The following FHOD3 variants were observed in gnomAD, a reference collection of about 807,000 sequenced individuals.
FHOD3 encodes the protein FH1/FH2 domain-containing protein 3.
Under a neutral mutation model 173.0 loss-of-function variants are expected in FHOD3, and 90 were observed. That is an observed-to-expected ratio of 0.52 (90% CI 0.44 to 0.62). FHOD3 has a LOEUF of 0.62. Ranked by LOEUF, FHOD3 falls within the 20% of genes least tolerant of loss-of-function variation. FHOD3 has a pLI of 0.00. For missense variants in FHOD3, 1,945 were observed against 2,034.7 expected (o/e 0.96, Z 0.85); for synonymous variants, 828 against 823.0 (o/e 1.01, Z -0.10).
At chr18:36,762,900 G>A (rs2042943966) in intron 27 of FHOD3, among the ~76,000 whole-genome samples, 1 of 146,026 alleles carries the variant, frequency 6.8e-6, no homozygotes, top group Admixed American at 6.9e-5. Context: ...TATAATATGT[G>A]TATTATACAC....
intron 1 of FHOD3, among the ~76,000 whole-genome samples, chr18:36,345,975 C>A (rs944244104): frequency 4.6e-5 from 7 of 152,190 alleles, no homozygotes; most frequent in African/African-American, 1.4e-4. Flanking sequence ...TGCCAATGCA[C>A]CTGTGGGATT....
chr18:36,651,411 A>G (rs2036040485), intron 11 of FHOD3, among the ~76,000 whole-genome samples: 1 of 152,218 alleles, frequency 6.6e-6, no homozygotes, highest in African/African-American at 2.4e-5. Context: ...CCCCCTGAAG[A>G]TGGAAAGCTC....
chr18:36,642,929 A>G (rs952632267), intron 10 of FHOD3, among the ~76,000 whole-genome samples: 6 of 149,938 alleles, frequency 4.0e-5, no homozygotes, highest in African/African-American at 1.5e-4. Flanking sequence ...ACTTCAATGG[A>G]CGTATTTTTT....
chr18:36,638,011 G>C (rs1217810697), intron 10 of FHOD3, among the ~76,000 whole-genome samples: 1 of 152,100 alleles, frequency 6.6e-6, no homozygotes, highest in African/African-American at 2.4e-5. Context: ...TTAAAATCTA[G>C]ATGTTTATTC....
intron 3 of FHOD3, among the ~76,000 whole-genome samples, chr18:36,446,719 T>C (rs1221678070): frequency 6.6e-6 from 1 of 152,144 alleles, no homozygotes; most frequent in African/African-American, 2.4e-5. Flanking sequence ...GTTCTTGTTA[T>C]CCCTCACCCC....
At chr18:36,640,519 G>C (rs924788867) in intron 10 of FHOD3, among the ~76,000 whole-genome samples, 2 of 152,224 alleles carry the variant, frequency 1.3e-5, no homozygotes, top group African/African-American at 4.8e-5. Flanking sequence ...GAAGGCTGCA[G>C]ACCAAGACTG....
chr18:36,476,513 C>A (rs982757138), intron 3 of FHOD3, among the ~76,000 whole-genome samples: 1 of 152,132 alleles, frequency 6.6e-6, no homozygotes, highest in African/African-American at 2.4e-5. Context: ...CACCCTAAGA[C>A]CTGTGGGTGC....
At chr18:36,384,098 G>A (rs942558333) in intron 3 of FHOD3, among the ~76,000 whole-genome samples, 4 of 152,128 alleles carry the variant, frequency 2.6e-5, no homozygotes, top group East Asian at 1.9e-4. Flanking sequence ...TGATAATATC[G>A]CCTTTAAAAA....
intron 3 of FHOD3, among the ~76,000 whole-genome samples, chr18:36,430,265 G>A (rs777686214): frequency 1.3e-5 from 2 of 152,230 alleles, no homozygotes; most frequent in Non-Finnish European, 2.9e-5. Flanking sequence ...TGCCCAGTCT[G>A]CAGTGCAGTG....
chr18:36,477,585 A>G (rs1429910174), intron 3 of FHOD3, among the ~76,000 whole-genome samples: 1 of 144,456 alleles, frequency 6.9e-6, no homozygotes, highest in Non-Finnish European at 1.5e-5. Flanking sequence ...CTACCTACCT[A>G]CCTACCTACC....
chr18:36,522,974 T>C (rs77064349), intron 5 of FHOD3, among the ~76,000 whole-genome samples: 2,348 of 152,348 alleles, frequency 0.015, 52 homozygotes, highest in African/African-American at 0.051. Context: ...CTGCCTCTTC[T>C]ATCCCTAGCT....
At chr18:36,571,696 C>T (rs73948069) in intron 5 of FHOD3, among the ~76,000 whole-genome samples, 11,273 of 152,048 alleles carry the variant, frequency 0.074, 455 homozygotes, top group African/African-American at 0.093. Flanking sequence ...GAAACAGACC[C>T]GTACAAACAC....
intron 3 of FHOD3, among the ~76,000 whole-genome samples, chr18:36,496,874 G>T (rs931554826): frequency 6.6e-6 from 1 of 152,194 alleles, no homozygotes; most frequent in Non-Finnish European, 1.5e-5. Context: ...TGTAACAGAT[G>T]CCACATGGTG....
chr18:36,394,726 A>T (rs1598952845), intron 3 of FHOD3, among the ~76,000 whole-genome samples: 1 of 152,310 alleles, frequency 6.6e-6, no homozygotes, highest in Middle Eastern at 3.4e-3. Flanking sequence ...CCTGTAATCA[A>T]CTATGTCTCT....
At chr18:36,743,079 C>T (rs182127315) in intron 22 of FHOD3, among the ~76,000 whole-genome samples, 8 of 145,212 alleles carry the variant, frequency 5.5e-5, no homozygotes, top group East Asian at 4.1e-4. Context: ...GTGAGGCTGA[C>T]GCGGGTGGAT....
At chr18:36,722,329 A>AT (rs2040834708) in intron 19 of FHOD3, among the ~76,000 whole-genome samples, 1 of 152,094 alleles carries the variant, frequency 6.6e-6, no homozygotes, top group African/African-American at 2.4e-5. Context: ...CCTTGTACCT[A>AT]ACCAGGGGCA....
At chr18:36,480,091 T>C (rs1178878943) in intron 3 of FHOD3, among the ~76,000 whole-genome samples, 1 of 152,238 alleles carries the variant, frequency 6.6e-6, no homozygotes, top group Non-Finnish European at 1.5e-5. Flanking sequence ...AAATGTACTT[T>C]CTGTAAACTC....
chr18:36,467,896 G>A (rs538374128), intron 3 of FHOD3, among the ~76,000 whole-genome samples: 3 of 152,202 alleles, frequency 2.0e-5, no homozygotes, highest in Non-Finnish European at 2.9e-5. Flanking sequence ...CCTGTGGCAC[G>A]GGTGCCTGCA....
At chr18:36,585,332 A>C (rs568348793) in intron 6 of FHOD3, among the ~76,000 whole-genome samples, 2 of 152,340 alleles carry the variant, frequency 1.3e-5, no homozygotes, top group East Asian at 3.9e-4. Context: ...ATAAAGTGCC[A>C]GCTTCTTCAT....
Sources: allele counts gnomAD v4.1 joint callset (sites outside exome capture counted in the v4.1 genomes callset), GRCh38; gene constraint gnomAD v4.1.1; transcripts MANE v1.5; gene names NCBI Gene and HGNC (gene_info 2026-07-23, HGNC 2026-07-21).